The following CATSPERB variants were observed in gnomAD, a reference collection of about 807,000 sequenced individuals.
CATSPERB encodes the protein catsper channel auxiliary subunit beta, also known as cation channel sperm-associated auxiliary subunit beta.
A neutral mutation model predicts 128.3 loss-of-function variants in CATSPERB; 93 were observed. That is an observed-to-expected ratio of 0.72 (90% CI 0.61 to 0.86). CATSPERB has a LOEUF of 0.86. Among genes scored for constraint, CATSPERB ranks in the 40% least tolerant of loss-of-function variants. The pLI is 0.00. For missense variants in CATSPERB, 1,153 were observed against 1,329.5 expected (o/e 0.87, Z 2.06); for synonymous variants, 381 against 448.8 (o/e 0.85, Z 1.91).
At chr14:91,693,100 T>C in intron 9 of CATSPERB, 26 bp downstream of exon 9, 1 of 1,375,918 alleles carries the variant, frequency 7.3e-7, no homozygotes. Context: ...TAAGATTAGC[T>C]ATTAGTTACA....
chr14:91,662,432 G>A (rs1315145764), intron 14 of CATSPERB, among the ~76,000 whole-genome samples: 3 of 152,138 alleles, frequency 2.0e-5, no homozygotes, highest in East Asian at 3.8e-4. Context: ...TGAATAAGAT[G>A]TAATTTACTT....
intron 6 of CATSPERB, 47 bp from the exon 7 acceptor site, chr14:91,704,748 A>G: frequency 6.3e-7 from 1 of 1,577,800 alleles, no homozygotes; most frequent in Non-Finnish European, 8.6e-7. Context: ...GCACCCTTGA[A>G]AATGGATGCT....
chr14:91,672,830 A>G lies in CATSPERB; in HGVS notation c.1128+37T>C. ...GCTAAGGTAAATTTTTATTGTTGTC[A>G]TGTCAAGATAAATTCCCTCTGGGAT... On this transcript the variant is annotated intron_variant, in intron 13 of 26. Transcript: ENST00000256343. 2 of 1,462,406 alleles carry G rather than the reference A, an allele frequency of 1.4e-6. 1 individual carries two copies. The highest frequency in any genetic ancestry group is 2.9e-5 in the South Asian group (2 of 68,224). The allele number at this position is 1,462,406 out of a possible 1,614,324, so 90.6% of individuals were successfully genotyped here. A position where few individuals can be genotyped will look rare whatever the true frequency, so the allele number is the denominator to read the frequency against.
At chr14:91,594,169 C>T (rs1034864317) in intron 22 of CATSPERB, among the ~76,000 whole-genome samples, 8 of 152,168 alleles carry the variant, frequency 5.3e-5, no homozygotes, top group African/African-American at 1.4e-4. Flanking sequence ...GAGTTCAGGT[C>T]CTTTGCAGGG....
intron 20 of CATSPERB, among the ~76,000 whole-genome samples, chr14:91,613,037 G>A (rs1893865628): frequency 6.6e-6 from 1 of 151,994 alleles, no homozygotes; most frequent in African/African-American, 2.4e-5. Context: ...TAGAAAATTA[G>A]GGAAATTTGA....
intron 14 of CATSPERB, among the ~76,000 whole-genome samples, chr14:91,665,412 G>A (rs1205174957): frequency 2.6e-5 from 4 of 152,068 alleles, no homozygotes; most frequent in African/African-American, 9.7e-5. Flanking sequence ...GAAATACAGA[G>A]AAAAAAACAC....
intron 6 of CATSPERB, 22 bp from the exon 7 acceptor site, chr14:91,704,723 G>A (rs1566736258): frequency 4.4e-6 from 7 of 1,603,786 alleles, no homozygotes; most frequent in Non-Finnish European, 6.0e-6. Flanking sequence ...AAATTTGGGT[G>A]TTTAAATTGT....
chr14:91,694,588 C>T (rs574007061), intron 7 of CATSPERB, among the ~76,000 whole-genome samples: 120 of 151,620 alleles, frequency 7.9e-4, no homozygotes, highest in African/African-American at 2.8e-3. Flanking sequence ...TTCAGGAGTA[C>T]AATTTTAGTT....
At chr14:91,678,659 T>C (rs996006056) in intron 11 of CATSPERB, among the ~76,000 whole-genome samples, 3 of 152,192 alleles carry the variant, frequency 2.0e-5, no homozygotes, top group Non-Finnish European at 4.4e-5. Context: ...AGAAATGTCT[T>C]CAGAAGTGTC....
At position 91,621,614 on chromosome 14, in the gene CATSPERB, C is replaced by A. The variant is rs1218796202; in HGVS notation, c.2254G>T (p.Ala752Ser). 1.3e-6 allele frequency: 2 copies of A among 1,565,880 alleles called. No individual in the cohort carries two copies. Among genetic ancestry groups the A allele is most frequent in the African/African-American group, 2.8e-5 (2 of 72,704 alleles). ...CCGATCAAAACAAACTTACCTTTTG[C>A]ATTCCGTATGACCTTAGCTTTTAAA... ...YVLKAKVIRNAKGFRMLEIPL... is the reference protein window; with the variant it reads ...YVLKAKVIRNSKGFRMLEIPL... The change falls in exon 19 of 27, where the codon GCA (alanine) becomes TCA (serine). Residue 752 changes from alanine (A) to serine (S), a missense_variant. Transcript: ENST00000256343.
At chr14:91,589,740 A>G in intron 23 of CATSPERB, 71 bp from the exon 24 acceptor site, 1 of 1,448,662 alleles carries the variant, frequency 6.9e-7, no homozygotes, top group Non-Finnish European at 9.5e-7. Context: ...CTGGTAAAAA[A>G]CGAAAAGATA....
At chr14:91,613,012 A>T (rs187750266) in intron 20 of CATSPERB, among the ~76,000 whole-genome samples, 1 of 152,332 alleles carries the variant, frequency 6.6e-6, no homozygotes, top group Admixed American at 6.5e-5. Context: ...AAACAAACTG[A>T]CTATAATTTT....
intron 10 of CATSPERB, 77 bp downstream of exon 10, chr14:91,691,446 T>C: frequency 1.1e-6 from 1 of 893,344 alleles, no homozygotes; most frequent in Non-Finnish European, 1.7e-6. Context: ...TTGTGAATTA[T>C]TGTCTTGCAT....
chr14:91,666,175 G>T (rs1260744234), intron 14 of CATSPERB, among the ~76,000 whole-genome samples: 2 of 152,210 alleles, frequency 1.3e-5, no homozygotes, highest in African/African-American at 2.4e-5. Context: ...CCTACAGCAG[G>T]TCAAATATCT....
chr14:91,603,301 G>A, intron 22 of CATSPERB: 1 of 1,479,366 alleles, frequency 6.8e-7, no homozygotes, highest in Non-Finnish European at 9.5e-7. Context: ...AGTGGCACTG[G>A]TTTATAATCT....
In CATSPERB at chr14:91,589,672, A is replaced by G; in HGVS notation, c.2821-3T>C. On this transcript the variant is annotated splice_region_variant and splice_polypyrimidine_tract_variant and intron_variant, in intron 23 of 26. Transcript: ENST00000256343. ...ATTGGAAACTTAAAGCGAGGAACCT[A>G]AAATACAAATTCCAAGAATGAATGT... The G allele has an allele frequency of 6.2e-7, 1 of 1,610,742 alleles. No individual in the cohort carries two copies. Among genetic ancestry groups the G allele is most frequent in the Non-Finnish European group, 8.5e-7 (1 of 1,178,388 alleles).
chr14:91,716,108 A>G (rs1895933295), intron 5 of CATSPERB, among the ~76,000 whole-genome samples: 1 of 152,240 alleles, frequency 6.6e-6, no homozygotes, highest in African/African-American at 2.4e-5. Context: ...CTGATCTTCA[A>G]GAGATACTCT....
At chr14:91,589,742 G>A (rs779486539) in intron 23 of CATSPERB, 73 bp from the exon 24 acceptor site, 11 of 1,429,516 alleles carry the variant, frequency 7.7e-6, no homozygotes, top group Non-Finnish European at 1.1e-5. Context: ...GGTAAAAAAC[G>A]AAAAGATATA....
chr14:91,649,597 A>G (rs1352134104), intron 15 of CATSPERB, among the ~76,000 whole-genome samples: 1 of 151,140 alleles, frequency 6.6e-6, no homozygotes, highest in African/African-American at 2.4e-5. Flanking sequence ...CCTGGGTTCA[A>G]GCGATTCTCC....
Sources: gnomAD v4.1 joint callset for allele counts (sites outside exome capture counted in the v4.1 genomes callset) on GRCh38, gnomAD v4.1.1 for gene constraint, MANE v1.5 for transcripts, NCBI Gene and HGNC (gene_info 2026-07-23, HGNC 2026-07-21) for gene names.